The following GCFC2 variants were observed in gnomAD, a reference collection of about 807,000 sequenced individuals.
The protein encoded by GCFC2 is intron Large complex component GCFC2.
In GCFC2, 102 loss-of-function variants were observed where a neutral mutation model predicts 99.4. The observed-to-expected ratio is 1.03, with a 90% confidence interval of 0.87 to 1.21. The LOEUF is 1.21. Ranked by LOEUF, GCFC2 falls within the 50% of genes most tolerant of loss-of-function variation. GCFC2 has a pLI of 0.00. For synonymous variants in GCFC2, 338 were observed against 316.8 expected, an observed-to-expected ratio of 1.07 and a Z score of -0.71; for missense variants, 973 against 920.9, an observed-to-expected ratio of 1.06 and a Z score of -0.73.
chr2:75,690,465 G>T (rs931492149), intron 8 of GCFC2, 173 bp downstream of exon 8: 17 of 565,102 alleles, frequency 3.0e-5, no homozygotes, highest in Non-Finnish European at 4.9e-5. Context: ...ATACACCAAT[G>T]TGTCTTTAAA....
At position 75,680,294 on chromosome 2, in the gene GCFC2, C is replaced by T. The variant is rs1679517135; in HGVS notation, c.1711G>A (p.Asp571Asn). 6 of 1,609,500 alleles carry T rather than the reference C, an allele frequency of 3.7e-6. No individual in the cohort carries two copies. The highest frequency in any genetic ancestry group is 1.3e-5 in the African/African-American group (1 of 74,948). ...RLTDFVEFLW[D>N]PLSTSQTTSL... ...GTTGTCTGTGAGGTTGACAAAGGAT[C>T]CCAAAGGAATTCTACAAAGTCTGAA... Residue 571 changes from aspartate (D) to asparagine (N), a missense_variant, in exon 12 of 17, where the codon GAT becomes AAT. Asp to Asn is a conservative substitution (Grantham distance 23). Transcript: ENST00000321027.
intron 11 of GCFC2, among the ~76,000 whole-genome samples, chr2:75,681,384 C>G (rs758687255): frequency 6.7e-6 from 1 of 149,490 alleles, no homozygotes; most frequent in Admixed American, 6.6e-5. Context: ...CCAGGAGGAA[C>G]AGTGCACTCC....
intron 9 of GCFC2, 133 bp from the exon 10 acceptor site, chr2:75,689,358 TA>T: frequency 1.8e-6 from 1 of 550,074 alleles, no homozygotes; most frequent in Non-Finnish European, 3.2e-6. Flanking sequence ...AAATTTTTAT[TA>T]AATCACTTTA....
At position 75,673,498 on chromosome 2, in the gene GCFC2, G is replaced by C. The variant is rs773270366; in HGVS notation, c.1835C>G (p.Ser612Ter). The C allele has an allele frequency of 1.5e-6, 2 of 1,359,642 alleles. No homozygotes were observed. The highest frequency in any genetic ancestry group is 2.1e-6 in the Non-Finnish European group (2 of 948,592). The allele number at this position is 1,359,642 out of a possible 1,614,324, so 84.2% of individuals were successfully genotyped here. The part of the protein sequence containing the change: ...SRQDLLKSIV[S>*]RMKKAVEDDV... ...ATCTTCTACTGCCTTTTTCATTCTT[G>C]AAACAATGGATTTAAGTAAATCCTA... The change falls in exon 13 of 17, where the codon TCA becomes TGA. Residue 612 changes from serine (S) to a stop codon, truncating the protein, a stop_gained. Coordinates refer to ENST00000321027, the MANE Select transcript of GCFC2 (RefSeq NM_003203.5). LOFTEE classifies it high-confidence loss of function.
chr2:75,710,716 G>C lies in GCFC2; in HGVS notation c.140C>G (p.Ser47Cys). 1 of 1,549,938 alleles carries C rather than the reference G, an allele frequency of 6.5e-7. No individual in the cohort carries two copies. Among genetic ancestry groups the C allele is most frequent in the South Asian group, 1.2e-5 (1 of 84,238 alleles). The part of the protein sequence containing the change: ...VPGSAEEEPP[S>C]GGGRAQVAGL... ...CGCCACCTGCGCGCGGCCTCCTCCAGAGGGCGGCTCTTCCTCCGCAGAACC... is the reference window on the plus strand; with the variant it reads ...CGCCACCTGCGCGCGGCCTCCTCCACAGGGCGGCTCTTCCTCCGCAGAACC... Residue 47 changes from serine (S) to cysteine (C), a missense_variant, in exon 1 of 17, where the codon TCT (serine) becomes TGT (cysteine). By Grantham distance (112) the Ser-to-Cys change is moderately radical. Coordinates refer to ENST00000321027, the MANE Select transcript of GCFC2 (RefSeq NM_003203.5).
At chr2:75,670,040 G>A (rs942925129) in intron 15 of GCFC2, 98 bp downstream of exon 15, 2 of 756,816 alleles carry the variant, frequency 2.6e-6, no homozygotes, top group African/African-American at 3.5e-5. Context: ...GTCTATATAT[G>A]AGTACCACAC....
intron 1 of GCFC2, among the ~76,000 whole-genome samples, chr2:75,709,483 T>C (rs1444004066): frequency 6.6e-6 from 1 of 152,108 alleles, no homozygotes; most frequent in Non-Finnish European, 1.5e-5. Flanking sequence ...TGATCTCACA[T>C]ATGTAATCTA....
intron 12 of GCFC2, among the ~76,000 whole-genome samples, chr2:75,673,873 G>C (rs1043433750): frequency 6.6e-6 from 1 of 152,182 alleles, no homozygotes; most frequent in Admixed American, 6.5e-5. Context: ...GAAATGGAAT[G>C]GCTGGAGTAC....
At chr2:75,711,759 C>T (rs953395043), upstream of GCFC2, among the ~76,000 whole-genome samples, 5 of 152,184 alleles carry the variant, frequency 3.3e-5, no homozygotes, top group African/African-American at 1.2e-4. Flanking sequence ...CTAGCAGTGC[C>T]GGCCCACCGG....
At chr2:75,708,967 T>C (rs1680992515) in intron 1 of GCFC2, among the ~76,000 whole-genome samples, 1 of 152,146 alleles carries the variant, frequency 6.6e-6, no homozygotes, top group South Asian at 2.1e-4. Flanking sequence ...CAAAACAAAA[T>C]AGCACAAGAG....
intron 6 of GCFC2, 70 bp from the exon 7 acceptor site, chr2:75,692,170 T>TACAC (rs372259037): frequency 6.7e-6 from 3 of 450,284 alleles, no homozygotes; most frequent in African/African-American, 4.0e-5. Flanking sequence ...TATATATATA[T>TACAC]AAAAGTAATA....
At chr2:75,704,218 T>C (rs757545229) in intron 2 of GCFC2, among the ~76,000 whole-genome samples, 1 of 152,236 alleles carries the variant, frequency 6.6e-6, no homozygotes, top group African/African-American at 2.4e-5. Context: ...TCATCCTATC[T>C]GATATGCAAT....
Position 75,680,228 on chromosome 2 carries a change from A to G in GCFC2, c.1777T>C (p.Ser593Pro), listed in dbSNP as rs1573055770. The change falls in exon 12 of 17, where the codon TCC becomes CCC. Residue 593 changes from serine to proline, a missense_variant. By Grantham distance (74) the Ser-to-Pro change is moderately conservative. Coordinates refer to ENST00000321027, the MANE Select transcript of GCFC2 (RefSeq NM_003203.5). ...THCRVILEEHSTCENEVSKSR... is the reference protein window; with the variant it reads ...THCRVILEEHPTCENEVSKSR... ...TTACTAACTTCATTTTCACAAGTGGAATGTTCTTCAAGAATCACTCTGCAA... is the reference window on the plus strand; with the variant it reads ...TTACTAACTTCATTTTCACAAGTGGGATGTTCTTCAAGAATCACTCTGCAA... 3 of 1,606,606 alleles carry G rather than the reference A, an allele frequency of 1.9e-6. No homozygotes were observed. The highest frequency in any genetic ancestry group is 2.6e-6 in the Non-Finnish European group (3 of 1,173,556).
chr2:75,710,613 A>G lies in GCFC2; in HGVS notation c.243T>C (p.Ala81=). ...WASSRRATKA[A]PRADEGSESR... ...CACCTGAGCCTTCGTCCGCGCGGGGAGCCGCTTTGGTGGCACGCCGGGAGC... is the reference window on the plus strand; with the variant it reads ...CACCTGAGCCTTCGTCCGCGCGGGGGGCCGCTTTGGTGGCACGCCGGGAGC... Residue 81 remains alanine, a synonymous_variant, in exon 1 of 17, where the codon GCT becomes GCC. Coordinates refer to ENST00000321027, the MANE Select transcript of GCFC2 (RefSeq NM_003203.5). 2 of 1,514,152 alleles carry G rather than the reference A, an allele frequency of 1.3e-6. No homozygotes were observed. The highest frequency in any genetic ancestry group is 1.8e-6 in the Non-Finnish European group (2 of 1,138,190). The allele number at this position is 1,514,152 out of a possible 1,614,324, so 93.8% of individuals were successfully genotyped here. A position where few individuals can be genotyped will look rare whatever the true frequency, so the allele number is the denominator to read the frequency against.
chr2:75,670,341 T>C, intron 14 of GCFC2, 57 bp from the exon 15 acceptor site: 1 of 1,224,760 alleles, frequency 8.2e-7, no homozygotes, highest in Non-Finnish European at 1.2e-6. Context: ...ACTGTAATAG[T>C]CTCTAACAAA....
At position 75,690,671 on chromosome 2, in the gene GCFC2, GT is replaced by G; in HGVS notation, c.1192del (p.Thr398LeufsTer5). ...TTCAATCTCTTCTAAAATCCACTGA[GT>G]TTTTTCATCTACTGAGAAGTTTCCA... Reference protein sequence around the residue: ...TSGNFSVDEKTQWILEEIESR... With the variant: ...TSGNFSVDEKXQWILEEIESR... On this transcript the variant is annotated frameshift_variant, in exon 8 of 17. Coordinates refer to ENST00000321027, the MANE Select transcript of GCFC2 (RefSeq NM_003203.5). LOFTEE classifies it high-confidence loss of function. 6.4e-7 allele frequency: 1 copy of G among 1,564,870 alleles called. No homozygotes were observed. Among genetic ancestry groups the G allele is most frequent in the Non-Finnish European group, 8.8e-7 (1 of 1,139,396 alleles).
In GCFC2 at chr2:75,687,982, C is replaced by T; in HGVS notation, c.1540-5G>A. 7 of 1,532,678 alleles carry T rather than the reference C, an allele frequency of 4.6e-6. No individual in the cohort carries two copies. Among genetic ancestry groups the T allele is most frequent in the Non-Finnish European group, 6.2e-6 (7 of 1,134,586 alleles). 94.9% of individuals were successfully genotyped at this position (1,532,678 alleles called of 1,614,324 possible). On this transcript the variant is annotated splice_region_variant and splice_polypyrimidine_tract_variant and intron_variant, in intron 10 of 16. Transcript: ENST00000321027. ...TTTTAAACCTGTGGATTCCAACTTA[C>T]AAAGAAAATTACAAAAGTTATAAAG...
intron 11 of GCFC2, among the ~76,000 whole-genome samples, chr2:75,684,957 C>A (rs1263242893): frequency 6.6e-6 from 1 of 152,170 alleles, no homozygotes; most frequent in African/African-American, 2.4e-5. Flanking sequence ...CAAACTAACA[C>A]CAGAACACAA....
intron 12 of GCFC2, among the ~76,000 whole-genome samples, chr2:75,676,116 A>G (rs934239424): frequency 6.6e-6 from 1 of 152,202 alleles, no homozygotes; most frequent in Admixed American, 6.5e-5. Flanking sequence ...GTGTTTGCGT[A>G]TCGGATTGCG....
Sources: allele counts gnomAD v4.1 joint callset (sites outside exome capture counted in the v4.1 genomes callset), GRCh38; gene constraint gnomAD v4.1.1; transcripts MANE v1.5; gene names NCBI Gene and HGNC (gene_info 2026-07-23, HGNC 2026-07-21).